Variants in PARP9 observed in about 807,000 individuals in gnomAD.
PARP9 encodes the protein poly(ADP-ribose) polymerase family member 9, also known as protein mono-ADP-ribosyltransferase PARP9.
Under a neutral mutation model 68.8 loss-of-function variants are expected in PARP9, and 48 were observed. The ratio of observed to expected loss-of-function variants is 0.70; its 90% CI spans 0.55 to 0.89. PARP9 has a LOEUF of 0.89. Ranked by LOEUF, PARP9 falls within the 40% of genes least tolerant of loss-of-function variation. The pLI is 0.00. For synonymous variants in PARP9, 309 were observed against 333.8 expected, an observed-to-expected ratio of 0.93 and a Z score of 0.81; for missense variants, 806 against 969.3, an observed-to-expected ratio of 0.83 and a Z score of 2.24.
intron 3 of PARP9, 49 bp from the exon 4 acceptor site, chr3:122,556,170 A>AAAAAAAAAAAAC (rs2079643053): frequency 1.7e-6 from 2 of 1,143,286 alleles, no homozygotes; most frequent in Non-Finnish European, 2.4e-6. Context: ...AAAAAAAAAA[A>AAAAAAAAAAAAC]AAAGCACAGT....
chr3:122,553,339 T>C (rs2079371182), intron 4 of PARP9, among the ~76,000 whole-genome samples: 1 of 152,206 alleles, frequency 6.6e-6, no homozygotes, highest in Non-Finnish European at 1.5e-5. Context: ...ATAGTGTCCT[T>C]CCTTCCCCCA....
intron 8 of PARP9, among the ~76,000 whole-genome samples, chr3:122,539,556 TTTCTTTCTTTC>T (rs1293659958): frequency 7.4e-6 from 1 of 134,556 alleles, no homozygotes; most frequent in Admixed American, 7.2e-5. Flanking sequence ...TCTTTCTTTC[TTTCTTTCTTTC>T]TTTTTTTTTT....
rs376768463 is a variant in PARP9, at chr3:122,540,476, C to T, written c.1761G>A (p.Ser587=). The T allele has an allele frequency of 2.4e-5, 38 of 1,612,058 alleles. No individual in the cohort carries two copies. Among genetic ancestry groups the T allele is most frequent in the Admixed American group, 3.3e-5 (2 of 59,852 alleles). ...ARKKERGLWR[S]LGQWTIQQQK... ...ATTTGATAGAAAGTTACTCACCTAA[C>T]GAGCGCCAAAGGCCTCGCTCCTTTT... The change falls in exon 8 of 11, where the codon TCG becomes TCA. Residue 587 remains serine (S), a synonymous_variant. Transcript: ENST00000682323.
chr3:122,544,389 C>T (rs557794016), intron 7 of PARP9, among the ~76,000 whole-genome samples: 45 of 152,212 alleles, frequency 3.0e-4, no homozygotes, highest in Non-Finnish European at 3.7e-4. Flanking sequence ...ATTATCCTCA[C>T]AATGTCTGTT....
chr3:122,564,424 G>A (rs1257848970), upstream of PARP9: 2 of 1,608,056 alleles, frequency 1.2e-6, no homozygotes, highest in Non-Finnish European at 1.7e-6. Context: ...GACGCGCAGA[G>A]CCATGGCCTC....
chr3:122,555,900 C>T lies in PARP9; in HGVS notation c.271G>A (p.Asp91Asn), dbSNP rs1410905631. 2 of 1,614,024 alleles carry T rather than the reference C, an allele frequency of 1.2e-6. No homozygotes were observed. Among genetic ancestry groups the T allele is most frequent in the South Asian group, 1.1e-5 (1 of 91,066 alleles). The part of the protein sequence containing the change: ...PRIELSVWKD[D>N]LTTHAVDAVV... ...GCATCAACAGCATGTGTGGTGAGGT[C>T]ATCTTTCCAGACTGATAACTCTATC... Residue 91 changes from aspartate (D) to asparagine (N), a missense_variant, in exon 4 of 11, where the codon GAC (aspartate) becomes AAC (asparagine). By Grantham distance (23) the Asp-to-Asn change is conservative. Coordinates refer to ENST00000682323, the MANE Select transcript of PARP9 (RefSeq NM_001146105.2).
rs139915869 is a variant in PARP9 at position 122,530,975 on chromosome 3, C to T, written c.2081-2232G>A. 2.2e-3 allele frequency among the ~76,000 whole-genome samples: 338 copies of T among 152,298 alleles called. 2 individuals are homozygous for T. Among genetic ancestry groups the T allele is most frequent in the African/African-American group, 7.9e-3 (329 of 41,554 alleles). On this transcript the variant is annotated intron_variant, in intron 10 of 10. Transcript: ENST00000682323. ...CTACTCTAGTAGCCACATTTTAAAA[C>T]ATTTTTTTAAAAAAGGTGAAATTAA...
chr3:122,536,861 G>A (rs2270859), intron 9 of PARP9, 73 bp downstream of exon 9: 216,422 of 1,512,300 alleles, frequency 0.14, 16,653 homozygotes, highest in Middle Eastern at 0.28. Context: ...CAGCAGGTGA[G>A]CTTTTCCTTT....
At chr3:122,533,128 A>G (rs543774914) in intron 10 of PARP9, 4 of 152,374 alleles carry the variant, frequency 2.6e-5, no homozygotes, top group African/African-American at 9.6e-5. Context: ...AGGCAGTAGG[A>G]ATAGAGAGGT....
intron 7 of PARP9, among the ~76,000 whole-genome samples, chr3:122,543,825 G>A (rs2078462930): frequency 6.6e-6 from 1 of 151,924 alleles, no homozygotes; most frequent in Non-Finnish European, 1.5e-5. Context: ...TGCCCAGGCT[G>A]GTCTCGAACT....
chr3:122,537,355 A>T (rs921126646), intron 8 of PARP9, among the ~76,000 whole-genome samples: 1 of 152,258 alleles, frequency 6.6e-6, no homozygotes, highest in Admixed American at 6.5e-5. Context: ...TGCTGTAATG[A>T]TGAGAAATAA....
Position 122,556,061 on chromosome 3 carries a change from T to G in PARP9, c.110A>C (p.Lys37Thr). The G allele has an allele frequency of 6.2e-7, 1 of 1,611,988 alleles. No homozygotes were observed. The highest frequency in any genetic ancestry group is 1.1e-5 in the South Asian group (1 of 91,002). ...CTGACGCTCATTATTTTTTAAAATT[T>G]TGAAGTCATTGTGGTTAATGGGAAT... Reference protein sequence around the residue: ...WQIPINHNDFKILKNNERQLC... With the variant: ...WQIPINHNDFTILKNNERQLC... Residue 37 changes from lysine to threonine, a missense_variant, in exon 4 of 11, where the codon AAA becomes ACA. Transcript: ENST00000682323.
At position 122,559,663 on chromosome 3, in the gene PARP9, T is replaced by C. The variant is rs200143965; in HGVS notation, c.-43A>G. On this transcript the variant is annotated 5_prime_UTR_variant, in exon 2 of 11. Transcript: ENST00000682323. The stretch of plus-strand genomic sequence containing the variant: ...GAGTCTTTAAATGTTTATTCCCTTT[T>C]GCGCTTCAAAGCATAGACTGTAGTT... The C allele has an allele frequency of 4.3e-4, 670 of 1,565,242 alleles. 1 individual carries two copies. The highest frequency in any genetic ancestry group is 4.9e-4 in the Non-Finnish European group (563 of 1,157,752).
chr3:122,529,520 G>A (rs2077152273), intron 10 of PARP9, among the ~76,000 whole-genome samples: 1 of 151,960 alleles, frequency 6.6e-6, no homozygotes, highest in Admixed American at 6.6e-5. Flanking sequence ...GTAGGCCGAG[G>A]CGGGCTGATC....
At chr3:122,536,500 C>T (rs1004171888) in intron 9 of PARP9, 158 bp from the exon 10 acceptor site, 8 of 1,285,010 alleles carry the variant, frequency 6.2e-6, no homozygotes, top group Non-Finnish European at 6.2e-6. Flanking sequence ...TCTCCTCCCT[C>T]TAATCCTCTC....
At chr3:122,529,753 C>CCA (rs1559793562) in intron 10 of PARP9, among the ~76,000 whole-genome samples, 1 of 68,168 alleles carries the variant, frequency 1.5e-5, no homozygotes, top group Non-Finnish European at 3.0e-5. Context: ...GACTCCGTCC[C>CCA]AAAAAAAAAA....
At chr3:122,536,829 TG>T in intron 9 of PARP9, 104 bp downstream of exon 9, 1 of 1,346,692 alleles carries the variant, frequency 7.4e-7, no homozygotes, top group Non-Finnish European at 1.0e-6. Context: ...TCCAAGTCCA[TG>T]AGCAGCCAGC....
intron 1 of PARP9, among the ~76,000 whole-genome samples, chr3:122,562,286 C>T (rs1434137588): frequency 6.6e-6 from 1 of 151,924 alleles, no homozygotes; most frequent in Admixed American, 6.6e-5. Flanking sequence ...GGGTTCACGC[C>T]ATTCTGCTGC....
At chr3:122,562,987 AT>A (rs1408876958) in intron 1 of PARP9, among the ~76,000 whole-genome samples, 1 of 152,174 alleles carries the variant, frequency 6.6e-6, no homozygotes, top group African/African-American at 2.4e-5. Flanking sequence ...CAAAAAGTAT[AT>A]GCAGTTGTAA....
Sources: allele counts gnomAD v4.1 joint callset (sites outside exome capture counted in the v4.1 genomes callset), GRCh38; gene constraint gnomAD v4.1.1; transcripts MANE v1.5; gene names NCBI Gene and HGNC (gene_info 2026-07-23, HGNC 2026-07-21).